The following UST variants were observed in gnomAD, a reference collection of about 807,000 sequenced individuals.
UST encodes uronyl 2-sulfotransferase.
In UST, 21 loss-of-function variants were observed where a neutral mutation model predicts 45.6. That is an observed-to-expected ratio of 0.46 (90% confidence interval 0.33 to 0.66). The LOEUF is 0.66. UST is among the 30% of genes least tolerant of loss of function. The pLI is 0.02. For missense variants in UST, 463 were observed against 512.4 expected, an observed-to-expected ratio of 0.90 and a Z score of 0.93; for synonymous variants, 215 against 200.6, an observed-to-expected ratio of 1.07 and a Z score of -0.61.
chr6:148,919,156 A>G (rs1443568929), intron 2 of UST, among the ~76,000 whole-genome samples: 5 of 151,916 alleles, frequency 3.3e-5, no homozygotes, highest in Admixed American at 1.3e-4. Flanking sequence ...CACAGTTAGG[A>G]TATGTCTTTC....
At chr6:148,999,025 G>A (rs1781500073) in intron 5 of UST, among the ~76,000 whole-genome samples, 1 of 152,216 alleles carries the variant, frequency 6.6e-6, no homozygotes. Flanking sequence ...TCTGAGTGGA[G>A]CCCGCATCTG....
At chr6:148,842,692 A>G (rs993475335) in intron 1 of UST, among the ~76,000 whole-genome samples, 3 of 152,188 alleles carry the variant, frequency 2.0e-5, no homozygotes, top group African/African-American at 7.2e-5. Context: ...GGAGCATTTG[A>G]TATGTTTAAA....
chr6:149,006,224 T>C (rs1477118504), intron 5 of UST, among the ~76,000 whole-genome samples: 6 of 152,196 alleles, frequency 3.9e-5, no homozygotes, highest in Non-Finnish European at 8.8e-5. Flanking sequence ...TAGCTATTTA[T>C]CTTGATGCTC....
chr6:148,800,382 A>G (rs997132420), intron 1 of UST, among the ~76,000 whole-genome samples: 12 of 152,116 alleles, frequency 7.9e-5, no homozygotes, highest in African/African-American at 2.9e-4. Context: ...TTCCTCCCCC[A>G]TCTTTTGTCC....
intron 1 of UST, among the ~76,000 whole-genome samples, chr6:148,749,618 G>A (rs889659514): frequency 3.3e-5 from 5 of 152,160 alleles, no homozygotes; most frequent in Admixed American, 3.3e-4. Context: ...CTTGAGGAAG[G>A]GAAATTCTGG....
chr6:148,837,002 G>GAGGGCAT (rs1187341282), intron 1 of UST, among the ~76,000 whole-genome samples: 1 of 152,214 alleles, frequency 6.6e-6, no homozygotes, highest in African/African-American at 2.4e-5. Context: ...GATAACTCAT[G>GAGGGCAT]AGGGCATAGA....
Position 148,748,086 on chromosome 6 carries a change from C to G in UST, c.247+409C>G, listed in dbSNP as rs960240399. 6.6e-6 allele frequency among the ~76,000 whole-genome samples: 1 copy of G among 152,116 alleles called. No homozygotes were observed. The highest frequency in any genetic ancestry group is 1.9e-4 in the East Asian group (1 of 5,188). ...TCCTCTTCGTTGCATTGTTAGTGAC[C>G]GCAGTTCAGTCCCGTCCCGCGCCCC... On this transcript the variant is annotated intron_variant, in intron 1 of 7. Transcript: ENST00000367463. This position sits in a 1 kb window ranked among gnomAD's most constrained non-coding sequence, Gnocchi z 5.3.
intron 7 of UST, among the ~76,000 whole-genome samples, chr6:149,023,791 C>A (rs919650976): frequency 6.6e-6 from 1 of 152,216 alleles, no homozygotes. Flanking sequence ...GCCCAGAGGA[C>A]CCACTTAGTG....
chr6:148,950,003 A>G (rs1780334156), intron 3 of UST, among the ~76,000 whole-genome samples: 1 of 152,228 alleles, frequency 6.6e-6, no homozygotes, highest in Non-Finnish European at 1.5e-5. Context: ...TGTCCTAGCC[A>G]GGAATCTGGG....
intron 7 of UST, among the ~76,000 whole-genome samples, chr6:149,031,721 C>T (rs74563105): frequency 0.011 from 1,739 of 152,312 alleles, 27 homozygotes; most frequent in African/African-American, 0.04. Flanking sequence ...TAATCTGAAA[C>T]TACCAGAAAA....
In UST at chr6:148,789,449, TCTCTCACA is replaced by T. The variant is rs781599002; in HGVS notation, c.247+41774_247+41781del. 1.0e-3 allele frequency among the ~76,000 whole-genome samples: 134 copies of T among 129,082 alleles called. No homozygotes were observed. The East Asian group carries it at 0.011, about 10-fold the overall frequency. 84.7% of individuals were successfully genotyped at this position (129,082 alleles called of 152,430 possible). A position where few individuals can be genotyped will look rare whatever the true frequency, so the allele number is the denominator to read the frequency against. On this transcript the variant is annotated intron_variant, in intron 1 of 7. Transcript: ENST00000367463. The stretch of plus-strand genomic sequence containing the variant: ...AGATCTCTCTCTCTCTCTCTCTCTC[TCTCTCACA>T]CACACACACACACACACACACACAC...
intron 4 of UST, among the ~76,000 whole-genome samples, chr6:148,961,551 A>G (rs1780658386): frequency 6.6e-6 from 1 of 152,272 alleles, no homozygotes; most frequent in African/African-American, 2.4e-5. Context: ...AAGGCTAAGC[A>G]TTGTAAAAGC....
chr6:148,876,759 T>A lies in UST; in HGVS notation c.248-10227T>A, dbSNP rs964513830. Among the ~76,000 whole-genome samples, 6 of 152,024 alleles carry A rather than the reference T, an allele frequency of 3.9e-5. 1 individual carries two copies. The highest frequency in any genetic ancestry group is 3.9e-4 in the Admixed American group (6 of 15,278). Reference sequence around the variant, plus strand: ...ACCAATTTCTTCTTTATTCGTTTTGTTGTTTTTGTTGTTGTTGTTCTCTAT... The same window carrying A: ...ACCAATTTCTTCTTTATTCGTTTTGATGTTTTTGTTGTTGTTGTTCTCTAT... On this transcript the variant is annotated intron_variant, in intron 1 of 7. Coordinates refer to ENST00000367463, the MANE Select transcript of UST (RefSeq NM_005715.3).
At position 148,748,731 on chromosome 6, in the gene UST, A is replaced by G. The variant is rs1232992173; in HGVS notation, c.247+1054A>G. Among the ~76,000 whole-genome samples the G allele has an allele frequency of 6.6e-6, 1 of 152,094 alleles. No homozygotes were observed. Among genetic ancestry groups the G allele is most frequent in the Non-Finnish European group, 1.5e-5 (1 of 68,010 alleles). ...GGGAGAGCTCCAGCTTCTTGCAAGCATCCGAAGTGATAAGCCTGAGCATCT... is the reference window on the plus strand; with the variant it reads ...GGGAGAGCTCCAGCTTCTTGCAAGCGTCCGAAGTGATAAGCCTGAGCATCT... On this transcript the variant is annotated intron_variant, in intron 1 of 7. Coordinates refer to ENST00000367463, the MANE Select transcript of UST (RefSeq NM_005715.3). The surrounding 1 kb of genome is among the most constrained non-coding windows in gnomAD (Gnocchi z 5.3).
intron 7 of UST, among the ~76,000 whole-genome samples, chr6:149,025,051 G>C (rs139577006): frequency 5.3e-5 from 8 of 152,120 alleles, no homozygotes; most frequent in Non-Finnish European, 8.8e-5. Context: ...AACACTAATA[G>C]CAATGACTCT....
intron 5 of UST, among the ~76,000 whole-genome samples, chr6:148,998,824 G>A (rs1283377398): frequency 1.3e-5 from 2 of 152,218 alleles, no homozygotes; most frequent in Non-Finnish European, 2.9e-5. Flanking sequence ...CCATGTATGT[G>A]CTGGTCTGAA....
chr6:148,902,336 C>T (rs540506814), intron 2 of UST, among the ~76,000 whole-genome samples: 1 of 152,038 alleles, frequency 6.6e-6, no homozygotes, highest in Non-Finnish European at 1.5e-5. Flanking sequence ...AAGTGATCTT[C>T]CCACCTCAGC....
intron 5 of UST, among the ~76,000 whole-genome samples, chr6:148,986,140 C>G (rs1195250220): frequency 1.3e-5 from 2 of 152,214 alleles, no homozygotes; most frequent in Non-Finnish European, 2.9e-5. Flanking sequence ...TCACACTAGT[C>G]ACTGCCTGAT....
At chr6:148,971,976 T>TGGGACATCAACCATGTGCAAAGA in intron 5 of UST, among the ~76,000 whole-genome samples, 1 of 152,310 alleles carries the variant, frequency 6.6e-6, no homozygotes, top group East Asian at 1.9e-4. Flanking sequence ...GAAGTTTTTA[T>TGGGACATCAACCATGTGCAAAGA]GGGACATCAA....
Sources: allele counts gnomAD v4.1 joint callset (sites outside exome capture counted in the v4.1 genomes callset), GRCh38; gene constraint gnomAD v4.1.1; non-coding constraint Gnocchi (gnomAD v3.1); transcripts MANE v1.5; gene names NCBI Gene and HGNC (gene_info 2026-07-23, HGNC 2026-07-21).